Variants in LIMS2 observed in about 807,000 individuals in gnomAD.
The protein encoded by LIMS2 is LIM zinc finger domain containing 2.
In LIMS2, 30 loss-of-function variants were observed where a neutral mutation model predicts 45.3. The observed-to-expected ratio is 0.66, with a 90% CI of 0.50 to 0.90. The LOEUF is 0.90. Among genes scored for constraint, LIMS2 ranks in the 40% least tolerant of loss-of-function variants. The pLI, the probability that LIMS2 is intolerant of heterozygous loss-of-function variation, is 0.00. For missense variants in LIMS2, 485 were observed against 468.7 expected, an observed-to-expected ratio of 1.03 and a Z score of -0.32; for synonymous variants, 173 against 188.0, an observed-to-expected ratio of 0.92 and a Z score of 0.65.
Position 127,642,871 on chromosome 2 carries a change from G to A in LIMS2, c.509+52C>T, listed in dbSNP as rs1682574777. The A allele has an allele frequency of 1.3e-6, 2 of 1,534,766 alleles. No individual in the cohort carries two copies. The highest frequency in any genetic ancestry group is 1.8e-6 in the Non-Finnish European group (2 of 1,137,020). On this transcript the variant is annotated intron_variant, in intron 5 of 9. Coordinates refer to ENST00000355119, the MANE Select transcript of LIMS2 (RefSeq NM_001161403.3). The surrounding 1 kb of genome is among the most constrained non-coding windows in gnomAD (Gnocchi z 5.3). ...GGAGGCCCCACCGCCCTTACCCTGG[G>A]CCAGCCCTGGCTCCCCGCCCCCACA...
rs1573852908 is a variant in LIMS2 at position 127,673,544 on chromosome 2, A to G, written c.11+1470T>C. 6.8e-6 allele frequency: 6 copies of G among 886,572 alleles called. No homozygotes were observed. In the East Asian group the frequency reaches 1.7e-4, roughly 24 times the overall value. 54.9% of individuals were successfully genotyped at this position (886,572 alleles called of 1,614,324 possible). ...GCCTCCGTCTCCAGGGAAAGGCCCA[A>G]GGGACTCAGGGGCAAGAGGACCCTT... On this transcript the variant is annotated intron_variant, in intron 1 of 9. Coordinates refer to ENST00000355119, the MANE Select transcript of LIMS2 (RefSeq NM_001161403.3).
intron 1 of LIMS2, chr2:127,673,781 G>A (rs1240946501): frequency 1.3e-6 from 2 of 1,544,504 alleles, no homozygotes; most frequent in Non-Finnish European, 1.8e-6. Context: ...CAGCTGGCAG[G>A]GATGCTCTGA....
intron 2 of LIMS2, among the ~76,000 whole-genome samples, chr2:127,656,335 C>G (rs1684247190): frequency 6.6e-6 from 1 of 152,122 alleles, no homozygotes; most frequent in African/African-American, 2.4e-5. Flanking sequence ...CCCCCAGCCT[C>G]CTGGCCCAGC....
rs182108148 is a variant in LIMS2, at chr2:127,667,963, A to T, written c.11+7051T>A. 6.6e-6 allele frequency among the ~76,000 whole-genome samples: 1 copy of T among 152,348 alleles called. No individual in the cohort carries two copies. The highest frequency in any genetic ancestry group is 2.4e-5 in the African/African-American group (1 of 41,586). On this transcript the variant is annotated intron_variant, in intron 1 of 9. Coordinates refer to ENST00000355119, the MANE Select transcript of LIMS2 (RefSeq NM_001161403.3). This position sits in a 1 kb window ranked among gnomAD's most constrained non-coding sequence, Gnocchi z 4.1. ...ATCCCTCCTCAAAAAAAGAAACCCT[A>T]TTTACAGATAAGAAATGAGTTCAGT... is the stretch of plus-strand genomic sequence containing the variant.
intron 1 of LIMS2, among the ~76,000 whole-genome samples, chr2:127,659,786 A>ACACATCCCT (rs1684491993): frequency 6.6e-6 from 1 of 152,168 alleles, no homozygotes; most frequent in Admixed American, 6.5e-5. Flanking sequence ...GTGAGTGAGC[A>ACACATCCCT]CACATCCCTC....
intron 4 of LIMS2, chr2:127,651,053 C>T: frequency 6.2e-7 from 1 of 1,613,704 alleles, no homozygotes; most frequent in African/African-American, 1.3e-5. Context: ...CATGCCGTCT[C>T]ACCGGCTTCC....
chr2:127,640,769 G>C, intron 7 of LIMS2, 127 bp downstream of exon 7: 1 of 782,578 alleles, frequency 1.3e-6, no homozygotes, highest in South Asian at 1.6e-5. Flanking sequence ...CCAGGGCTGA[G>C]GGTGCAGGCC....
In LIMS2 at chr2:127,649,873, C is replaced by T; in HGVS notation, c.359+4551G>A. 3 of 711,678 alleles carry T rather than the reference C, an allele frequency of 4.2e-6. No homozygotes were observed. The South Asian group carries it at 5.5e-5, about 13-fold the overall frequency. 44.1% of individuals were successfully genotyped at this position (711,678 alleles called of 1,614,324 possible). On this transcript the variant is annotated intron_variant, in intron 4 of 9. Coordinates refer to ENST00000355119, the MANE Select transcript of LIMS2 (RefSeq NM_001161403.3). ...ACAGCGCTGGCCAGTGTCTCTGACG[C>T]TGGGTAAAATGGGTCTTCCCCTCCT...
In LIMS2 at chr2:127,639,134, AG is replaced by A. The variant is rs1389592326; in HGVS notation, c.*146del. The A allele has an allele frequency of 4.9e-6, 4 of 821,366 alleles. No individual in the cohort carries two copies. The highest frequency in any genetic ancestry group is 7.5e-6 in the Non-Finnish European group (4 of 531,172). 50.9% of individuals were successfully genotyped at this position (821,366 alleles called of 1,614,324 possible). A position where few individuals can be genotyped will look rare whatever the true frequency, so the allele number is the denominator to read the frequency against. On this transcript the variant is annotated 3_prime_UTR_variant, in exon 10 of 10. Coordinates refer to ENST00000355119, the MANE Select transcript of LIMS2 (RefSeq NM_001161403.3). ...GAGAGACATGGGGAAGGCAGAGATGAGGGAACAGGAAGGGAGAAGGCAATGA... is the reference window on the plus strand; with the variant it reads ...GAGAGACATGGGGAAGGCAGAGATGAGGAACAGGAAGGGAGAAGGCAATGA...
At chr2:127,660,227 G>C (rs2105312693) in intron 1 of LIMS2, among the ~76,000 whole-genome samples, 1 of 152,252 alleles carries the variant, frequency 6.6e-6, no homozygotes, top group South Asian at 2.1e-4. Context: ...AGACCAATTA[G>C]CACTCTGTAA....
At chr2:127,675,557 T>C (rs1423778620), upstream of LIMS2, among the ~76,000 whole-genome samples, 1 of 151,972 alleles carries the variant, frequency 6.6e-6, no homozygotes, top group East Asian at 1.9e-4. Flanking sequence ...GCTTTCCTTT[T>C]AAAGGGAGTA....
At chr2:127,669,167 C>T (rs778829820) in intron 1 of LIMS2, among the ~76,000 whole-genome samples, 2 of 151,952 alleles carry the variant, frequency 1.3e-5, no homozygotes, top group East Asian at 1.9e-4. Context: ...TTCAATGGGG[C>T]GAAGAGTAGT....
At chr2:127,662,369 C>T (rs933831999) in intron 1 of LIMS2, among the ~76,000 whole-genome samples, 4 of 151,766 alleles carry the variant, frequency 2.6e-5, no homozygotes. Context: ...GGGGAGGGAC[C>T]CTACTGCAGC....
chr2:127,660,049 T>C (rs942480694), intron 1 of LIMS2, among the ~76,000 whole-genome samples: 26 of 152,150 alleles, frequency 1.7e-4, no homozygotes, highest in African/African-American at 1.2e-4. Flanking sequence ...TGCTTCCCAC[T>C]GAAAGGGGAA....
At position 127,650,013 on chromosome 2, in the gene LIMS2, T is replaced by C. The variant is rs376289246; in HGVS notation, c.359+4411A>G. On this transcript the variant is annotated intron_variant, in intron 4 of 9. Coordinates refer to ENST00000355119, the MANE Select transcript of LIMS2 (RefSeq NM_001161403.3). Reference sequence around the variant, plus strand: ...ACACAGGTCTCCCCACCTGTCAGGATGTCCAAACGGAGTTGGTGGGCTGGA... The same window carrying C: ...ACACAGGTCTCCCCACCTGTCAGGACGTCCAAACGGAGTTGGTGGGCTGGA... 1.9e-5 allele frequency: 31 copies of C among 1,607,852 alleles called. No homozygotes were observed. The African/African-American group carries it at 3.9e-4, about 20-fold the overall frequency.
At chr2:127,663,182 C>G (rs1478880557) in intron 1 of LIMS2, among the ~76,000 whole-genome samples, 1 of 152,212 alleles carries the variant, frequency 6.6e-6, no homozygotes, top group African/African-American at 2.4e-5. Context: ...CCTGGCCACT[C>G]GCAGCCTGGT....
chr2:127,641,734 C>T (rs11679385), intron 6 of LIMS2: 4 of 287,550 alleles, frequency 1.4e-5, no homozygotes, highest in Non-Finnish European at 2.6e-5. Flanking sequence ...TCATCCACAA[C>T]CCCCAGGCAC....
intron 7 of LIMS2, 129 bp from the exon 8 acceptor site, chr2:127,640,447 C>T: frequency 5.0e-6 from 5 of 1,007,346 alleles, no homozygotes; most frequent in Non-Finnish European, 6.0e-6. Flanking sequence ...TCCCAGGGCC[C>T]AGCTGCAAGG....
intron 7 of LIMS2, chr2:127,640,619 AC>A (rs1682309339): frequency 6.7e-6 from 4 of 598,848 alleles, no homozygotes; most frequent in Middle Eastern, 4.5e-4. Context: ...TGCCTTCTGT[AC>A]CAGAGCAAGG....
Sources: allele counts gnomAD v4.1 joint callset (sites outside exome capture counted in the v4.1 genomes callset), GRCh38; gene constraint gnomAD v4.1.1; non-coding constraint Gnocchi (gnomAD v3.1); transcripts MANE v1.5; gene names NCBI Gene and HGNC (gene_info 2026-07-23, HGNC 2026-07-21).